The following AKAP7 variants were observed in gnomAD, a reference collection of about 807,000 sequenced individuals.
The protein encoded by AKAP7 is A-kinase anchoring protein 7.
A neutral mutation model predicts 39.5 loss-of-function variants in AKAP7; 39 were observed. That is an observed-to-expected ratio of 0.99 (90% CI 0.76 to 1.29). The LOEUF (loss-of-function observed/expected upper bound fraction) is 1.29. Ranked by LOEUF, AKAP7 falls within the 50% of genes most tolerant of loss-of-function variation. The pLI, the probability that AKAP7 is intolerant of heterozygous loss-of-function variation, is 0.00. For synonymous variants in AKAP7, 140 were observed against 139.1 expected (o/e 1.01, Z -0.05); for missense variants, 414 against 407.7 (o/e 1.02, Z -0.13).
chr6:131,258,830 T>C (rs1305340491), intron 7 of AKAP7, among the ~76,000 whole-genome samples: 2 of 152,220 alleles, frequency 1.3e-5, no homozygotes, highest in South Asian at 2.1e-4. Flanking sequence ...CCAAAACTTA[T>C]GAATTTAGTC....
At position 131,282,480 on chromosome 6, in the gene AKAP7, A is replaced by G; in HGVS notation, c.*754A>G. On this transcript the variant is annotated 3_prime_UTR_variant, in exon 8 of 8. Transcript: ENST00000431975. Reference sequence around the variant, plus strand: ...ATGGGTCTGAAGTCCAAAGTGAAACAGATAAAGGAACTTTTATTAAAGCCT... The same window carrying G: ...ATGGGTCTGAAGTCCAAAGTGAAACGGATAAAGGAACTTTTATTAAAGCCT... 6.5e-7 allele frequency: 1 copy of G among 1,535,822 alleles called. No homozygotes were observed. The highest frequency in any genetic ancestry group is 1.2e-5 in the South Asian group (1 of 84,026).
At chr6:131,180,627 T>G (rs183649507) in intron 5 of AKAP7, among the ~76,000 whole-genome samples, 4 of 152,300 alleles carry the variant, frequency 2.6e-5, no homozygotes, top group African/African-American at 9.6e-5. Flanking sequence ...GCATTATCTG[T>G]CTTTAGTTCA....
At chr6:131,128,549 T>C in the AKAP7 span, among the ~76,000 whole-genome samples, 9 of 152,090 alleles carry the variant, frequency 5.9e-5, no homozygotes, top group Non-Finnish European at 1.2e-4. Context: ...AGGCTGGGTG[T>C]GGTGGCTCAC....
At chr6:131,268,057 A>G (rs1317092812) in intron 7 of AKAP7, among the ~76,000 whole-genome samples, 1 of 152,150 alleles carries the variant, frequency 6.6e-6, no homozygotes, top group Admixed American at 6.5e-5. Flanking sequence ...CATTAGAAGG[A>G]AGGGAGGGAT....
At chr6:131,153,843 C>T (rs1385074321) in intron 2 of AKAP7, among the ~76,000 whole-genome samples, 1 of 152,064 alleles carries the variant, frequency 6.6e-6, no homozygotes, top group African/African-American at 2.4e-5. Flanking sequence ...TTTCATAAAA[C>T]AATACTTATA....
chr6:131,256,492 A>G (rs1812859480), intron 7 of AKAP7, among the ~76,000 whole-genome samples: 1 of 152,038 alleles, frequency 6.6e-6, no homozygotes, highest in South Asian at 2.1e-4. Flanking sequence ...AATAATTTCC[A>G]TGAGGAATAG....
intron 5 of AKAP7, among the ~76,000 whole-genome samples, chr6:131,196,550 C>T (rs1806951692): frequency 6.6e-6 from 1 of 152,122 alleles, no homozygotes; most frequent in Non-Finnish European, 1.5e-5. Flanking sequence ...AGGCATGAGA[C>T]ACCGTGCTCA....
the AKAP7 span, among the ~76,000 whole-genome samples, chr6:131,129,712 C>T: frequency 1.3e-5 from 2 of 152,156 alleles, no homozygotes; most frequent in Non-Finnish European, 2.9e-5. Context: ...AAATATTATA[C>T]TCAAACATTA....
At chr6:131,230,068 T>G (rs1166532432) in intron 7 of AKAP7, among the ~76,000 whole-genome samples, 1 of 152,216 alleles carries the variant, frequency 6.6e-6, no homozygotes, top group Non-Finnish European at 1.5e-5. Flanking sequence ...TGAGTGCATG[T>G]GTCTTTTAGG....
At chr6:131,187,562 T>C (rs1437977164) in intron 5 of AKAP7, among the ~76,000 whole-genome samples, 1 of 152,176 alleles carries the variant, frequency 6.6e-6, no homozygotes, top group Non-Finnish European at 1.5e-5. Context: ...ATCTCTACTG[T>C]AGAAACTATA....
intron 3 of AKAP7, chr6:131,164,396 A>G (rs570462212): frequency 6.6e-6 from 3 of 455,658 alleles, no homozygotes; most frequent in African/African-American, 2.0e-5. Flanking sequence ...TCCCTGTTTC[A>G]GAGGAGCAGG....
intron 7 of AKAP7, among the ~76,000 whole-genome samples, chr6:131,252,390 T>A (rs1812513927): frequency 6.6e-6 from 1 of 152,178 alleles, no homozygotes; most frequent in Non-Finnish European, 1.5e-5. Context: ...TCCTCTCCAT[T>A]TTCTGCCCAT....
At chr6:131,185,301 A>T in intron 5 of AKAP7, 1 of 480,458 alleles carries the variant, frequency 2.1e-6, no homozygotes, top group Non-Finnish European at 3.9e-6. Flanking sequence ...CCAATCCTAG[A>T]ACCTGGTTAC....
intron 7 of AKAP7, chr6:131,252,970 A>T: frequency 6.4e-7 from 1 of 1,554,330 alleles, no homozygotes; most frequent in Middle Eastern, 1.7e-4. Context: ...AGGTAGCCCA[A>T]ATTATGGAGA....
At position 131,145,320 on chromosome 6, in the gene AKAP7, A is replaced by G; in HGVS notation, c.55A>G (p.Arg19Gly). Residue 19 changes from arginine (R) to glycine (G), a missense_variant, in exon 2 of 8, where the codon AGA becomes GGA. Physicochemically the swap from Arg to Gly is moderately radical, Grantham distance 125 (BLOSUM62 -2). Coordinates refer to ENST00000431975, the MANE Select transcript of AKAP7 (RefSeq NM_016377.4). Reference protein sequence around the residue: ...INSNECENVSRKKKMSEEFEA... With the variant: ...INSNECENVSGKKKMSEEFEA... ...TTCCAATGAGTGTGAAAATGTATCA[A>G]GAAAAAAGAAAATGTCAGAGGAATT... The G allele has an allele frequency of 6.4e-7, 1 of 1,554,088 alleles. No homozygotes were observed. Among genetic ancestry groups the G allele is most frequent in the Non-Finnish European group, 8.7e-7 (1 of 1,145,524 alleles).
intron 4 of AKAP7, among the ~76,000 whole-genome samples, chr6:131,167,210 C>T (rs1043623863): frequency 6.6e-6 from 1 of 152,114 alleles, no homozygotes; most frequent in Non-Finnish European, 1.5e-5. Context: ...AAAACATATT[C>T]TGTTTAAAAT....
At chr6:131,165,711 T>G (rs1803412976) in intron 4 of AKAP7, among the ~76,000 whole-genome samples, 1 of 152,184 alleles carries the variant, frequency 6.6e-6, no homozygotes, top group Admixed American at 6.5e-5. Context: ...TTCATCTTAG[T>G]CATTTTTAGA....
At chr6:131,239,051 GT>G (rs2128311372) in intron 7 of AKAP7, among the ~76,000 whole-genome samples, 1 of 152,270 alleles carries the variant, frequency 6.6e-6, no homozygotes, top group African/African-American at 2.4e-5. Context: ...GGTACTGGTT[GT>G]TCCTTTCCAT....
chr6:131,235,555 T>C (rs1490331924), intron 7 of AKAP7, among the ~76,000 whole-genome samples: 1 of 152,294 alleles, frequency 6.6e-6, no homozygotes, highest in South Asian at 2.1e-4. Flanking sequence ...TTTCTCCACA[T>C]CCTCTCCAGC....
Sources: gnomAD v4.1 joint callset for allele counts (sites outside exome capture counted in the v4.1 genomes callset) on GRCh38, gnomAD v4.1.1 for gene constraint, MANE v1.5 for transcripts, NCBI Gene and HGNC (gene_info 2026-07-23, HGNC 2026-07-21) for gene names.